PKP4: variants seen among roughly 807,000 people sequenced by gnomAD.
PKP4 encodes plakophilin 4, also known as plakophilin-4.
Under a neutral mutation model 145.1 loss-of-function variants are expected in PKP4, and 90 were observed. That is an observed-to-expected ratio of 0.62 (90% CI 0.52 to 0.74). PKP4 has a LOEUF of 0.74. PKP4 is among the 30% of genes least tolerant of loss of function. The pLI is 0.00. For synonymous variants in PKP4, 563 were observed against 577.2 expected, an observed-to-expected ratio of 0.98 and a Z score of 0.35; for missense variants, 1,340 against 1,482.7, an observed-to-expected ratio of 0.90 and a Z score of 1.58.
chr2:158,638,148 A>G (rs2053969812), intron 9 of PKP4, among the ~76,000 whole-genome samples: 1 of 152,198 alleles, frequency 6.6e-6, no homozygotes, highest in Non-Finnish European at 1.5e-5. Context: ...CTTTAGACAG[A>G]TTTTCTGAGA....
At chr2:158,671,110 C>T (rs115557903) in intron 17 of PKP4, among the ~76,000 whole-genome samples, 1 of 152,106 alleles carries the variant, frequency 6.6e-6, no homozygotes, top group Non-Finnish European at 1.5e-5. Context: ...TATTTCGGTT[C>T]ACTGCTATAT....
chr2:158,617,100 A>G (rs1023185103), intron 4 of PKP4, among the ~76,000 whole-genome samples: 8 of 152,180 alleles, frequency 5.3e-5, no homozygotes, highest in Non-Finnish European at 8.8e-5. Context: ...CACTTTTTCT[A>G]ATTACATAGT....
chr2:158,663,049 G>T lies in PKP4; in HGVS notation c.2364G>T (p.Lys788Asn). The change falls in exon 14 of 22, where the codon AAG (lysine) becomes AAT (asparagine). Residue 788 changes from lysine to asparagine, a missense_variant. By Grantham distance (94) the Lys-to-Asn change is moderately conservative. Coordinates refer to ENST00000389759, the MANE Select transcript of PKP4 (RefSeq NM_003628.6). ...SKDSEPSCWGKKKKKKKRTPQ... is the reference protein window; with the variant it reads ...SKDSEPSCWGNKKKKKKRTPQ... ...ACTCTGAGCCAAGTTGCTGGGGGAA[G>T]AAGAAGAAAAAGAAAAAGAGGACTC... 6.2e-7 allele frequency: 1 copy of T among 1,612,090 alleles called. No homozygotes were observed. Among genetic ancestry groups the T allele is most frequent in the Non-Finnish European group, 8.5e-7 (1 of 1,179,492 alleles).
At chr2:158,674,672 A>G (rs1384867676) in intron 19 of PKP4, among the ~76,000 whole-genome samples, 1 of 152,218 alleles carries the variant, frequency 6.6e-6, no homozygotes, top group Non-Finnish European at 1.5e-5. Context: ...GAATGTTTTG[A>G]GATTCAGACT....
intron 11 of PKP4, among the ~76,000 whole-genome samples, chr2:158,647,569 A>AG (rs1210278783): frequency 2.7e-5 from 4 of 145,506 alleles, no homozygotes; most frequent in Non-Finnish European, 6.3e-5. Context: ...TTATTTTCAG[A>AG]GGGAAAAAAG....
intron 1 of PKP4, among the ~76,000 whole-genome samples, chr2:158,484,425 G>A (rs977101289): frequency 1.3e-5 from 2 of 152,314 alleles, no homozygotes; most frequent in Middle Eastern, 3.4e-3. Context: ...GAAGCATTGA[G>A]GCTCTGCTGT....
intron 1 of PKP4, among the ~76,000 whole-genome samples, chr2:158,527,229 C>G (rs1028877592): frequency 7.2e-6 from 1 of 139,364 alleles, no homozygotes; most frequent in African/African-American, 2.7e-5. Flanking sequence ...TACCTGACTT[C>G]AAACTATACT....
chr2:158,664,357 A>C (rs1005873872), intron 15 of PKP4, among the ~76,000 whole-genome samples: 6 of 152,194 alleles, frequency 3.9e-5, no homozygotes, highest in African/African-American at 1.4e-4. Context: ...TGAAAACTGA[A>C]GACAGTTTCC....
At chr2:158,519,059 C>T (rs866639952) in intron 1 of PKP4, among the ~76,000 whole-genome samples, 3 of 151,660 alleles carry the variant, frequency 2.0e-5, no homozygotes. Context: ...TTTCTCTTTT[C>T]CAAGAACTTG....
At chr2:158,589,641 T>C (rs1339818541) in intron 3 of PKP4, among the ~76,000 whole-genome samples, 1 of 152,200 alleles carries the variant, frequency 6.6e-6, no homozygotes, top group East Asian at 1.9e-4. Flanking sequence ...AAAAATATAT[T>C]GTCTGTTGCC....
chr2:158,628,438 T>C (rs950807992), intron 7 of PKP4, among the ~76,000 whole-genome samples: 2 of 152,218 alleles, frequency 1.3e-5, no homozygotes, highest in African/African-American at 4.8e-5. Context: ...TAGGACTGTG[T>C]ACTTGTGTTT....
chr2:158,621,105 T>C lies in PKP4; in HGVS notation c.396T>C (p.Ser132=). The part of the protein sequence containing the change: ...QGTLYSPEQT[S]LHESEGSLGN... ...CCCTCTATTCACCAGAACAGACATC[T>C]CTCCATGAAAGTGAGGGTCTGTTGT... Residue 132 remains serine, a synonymous_variant, in exon 5 of 22, where the codon TCT becomes TCC. Transcript: ENST00000389759. 6.2e-7 allele frequency: 1 copy of C among 1,614,150 alleles called. No homozygotes were observed. Among genetic ancestry groups the C allele is most frequent in the Middle Eastern group, 1.6e-4 (1 of 6,062 alleles).
chr2:158,503,964 G>GTTT (rs1175555071), intron 1 of PKP4, among the ~76,000 whole-genome samples: 1 of 87,312 alleles, frequency 1.1e-5, no homozygotes, highest in African/African-American at 4.7e-5. Flanking sequence ...GTAAATTCTG[G>GTTT]CTTTTTTTTT....
intron 10 of PKP4, among the ~76,000 whole-genome samples, chr2:158,641,493 G>T (rs1053401485): frequency 1.3e-5 from 2 of 151,910 alleles, no homozygotes; most frequent in Non-Finnish European, 2.9e-5. Context: ...TTATTTCAGG[G>T]TTTTTTTGGT....
chr2:158,660,506 C>G (rs2056463637), intron 12 of PKP4: 1 of 152,710 alleles, frequency 6.5e-6, no homozygotes, highest in Non-Finnish European at 1.5e-5. Flanking sequence ...TGCGGAGAGG[C>G]AGGGCAGATG....
At chr2:158,470,314 C>T (rs1309082643) in intron 1 of PKP4, among the ~76,000 whole-genome samples, 2 of 152,166 alleles carry the variant, frequency 1.3e-5, no homozygotes, top group African/African-American at 4.8e-5. Flanking sequence ...AGCGACCTAC[C>T]ATATAAGGCC....
At chr2:158,492,991 GTTT>G (rs1052124272) in intron 1 of PKP4, among the ~76,000 whole-genome samples, 12 of 151,766 alleles carry the variant, frequency 7.9e-5, no homozygotes, top group African/African-American at 2.9e-4. Context: ...GTTTGTTTTA[GTTT>G]TTTATTTTAA....
intron 1 of PKP4, among the ~76,000 whole-genome samples, chr2:158,494,028 G>A (rs1427927710): frequency 6.6e-6 from 1 of 152,198 alleles, no homozygotes; most frequent in African/African-American, 2.4e-5. Flanking sequence ...AGTCTTATCA[G>A]GAGGGAGGCA....
At chr2:158,460,452 A>G (rs77502408) in intron 1 of PKP4, among the ~76,000 whole-genome samples, 30,258 of 152,170 alleles carry the variant, frequency 0.2, 3,873 homozygotes, top group Middle Eastern at 0.34. Flanking sequence ...TGAAAATGCA[A>G]TTATTGGCAA....
Sources: gnomAD v4.1 joint callset for allele counts (sites outside exome capture counted in the v4.1 genomes callset) on GRCh38, gnomAD v4.1.1 for gene constraint, MANE v1.5 for transcripts, NCBI Gene and HGNC (gene_info 2026-07-23, HGNC 2026-07-21) for gene names.